NWD2: variants seen among roughly 807,000 people sequenced by gnomAD.
The protein encoded by NWD2 is NACHT and WD repeat domain containing 2.
Under a neutral mutation model 132.7 loss-of-function variants are expected in NWD2, and 37 were observed. The ratio of observed to expected loss-of-function variants is 0.28; its 90% CI spans 0.21 to 0.37. NWD2 has a LOEUF of 0.37. Ranked by LOEUF, NWD2 falls within the 10% of genes least tolerant of loss-of-function variation. NWD2 has a pLI of 1.00. For missense variants in NWD2, 1,592 were observed against 2,122.4 expected (o/e 0.75, Z 4.91); for synonymous variants, 705 against 803.0 (o/e 0.88, Z 2.06).
chr4:37,273,618 C>T (rs999461153), intron 1 of NWD2, among the ~76,000 whole-genome samples: 59 of 152,258 alleles, frequency 3.9e-4, no homozygotes, highest in African/African-American at 1.3e-3. Context: ...CCCAAATCAA[C>T]AGAATATACA....
intron 1 of NWD2, among the ~76,000 whole-genome samples, chr4:37,273,473 A>G (rs981471428): frequency 6.6e-6 from 1 of 152,046 alleles, no homozygotes; most frequent in African/African-American, 2.4e-5. Context: ...CTCCCACACA[A>G]TAATAATGGG....
In NWD2 at chr4:37,362,744, G is replaced by A. The variant is rs563456393; in HGVS notation, c.357+6262G>A. ...AAACCTAGGAAATATTCTGGACATC[G>A]GCCTTGGGAAATAATTTATTAGTAA... On this transcript the variant is annotated intron_variant, in intron 3 of 6. Transcript: ENST00000309447. Among the ~76,000 whole-genome samples the A allele has an allele frequency of 1.3e-4, 20 of 152,268 alleles. No homozygotes were observed. The South Asian group carries it at 3.3e-3, about 25-fold the overall frequency.
intron 1 of NWD2, among the ~76,000 whole-genome samples, chr4:37,303,861 A>T (rs1353065909): frequency 6.6e-6 from 1 of 152,194 alleles, no homozygotes; most frequent in South Asian, 2.1e-4. Context: ...TTTTCTATAT[A>T]TAAGACTATG....
At chr4:37,319,899 A>C (rs550659028) in intron 1 of NWD2, among the ~76,000 whole-genome samples, 56 of 152,278 alleles carry the variant, frequency 3.7e-4, no homozygotes, top group Non-Finnish European at 6.0e-4. Context: ...GTTTGAAGTC[A>C]GGTAATGTGA....
At chr4:37,346,963 G>C (rs1026187570) in intron 2 of NWD2, among the ~76,000 whole-genome samples, 4 of 152,178 alleles carry the variant, frequency 2.6e-5, no homozygotes, top group Admixed American at 2.0e-4. Flanking sequence ...TTTATAGCTA[G>C]AAATTTTCCT....
rs184711381 is a variant in NWD2 at position 37,350,151 on chromosome 4, A to G, written c.241-6215A>G. Among the ~76,000 whole-genome samples, 3 of 152,090 alleles carry G rather than the reference A, an allele frequency of 2.0e-5. No homozygotes were observed. In the East Asian group the frequency reaches 5.8e-4, roughly 29 times the overall value. ...TCCGGCTTTGTTCTTTTTACTTAGG[A>G]TTGTCTTTATATGGGCTCTTCTTTT... On this transcript the variant is annotated intron_variant, in intron 2 of 6. Transcript: ENST00000309447.
chr4:37,310,336 G>A (rs28420978), intron 1 of NWD2, among the ~76,000 whole-genome samples: 3,849 of 152,198 alleles, frequency 0.025, 171 homozygotes, highest in African/African-American at 0.089. Flanking sequence ...TTTTTAGTGT[G>A]ATGTTTGCAA....
rs1359507123 is a variant in NWD2 at position 37,444,565 on chromosome 4, C to T, written c.2577C>T (p.Ser859=). The change falls in exon 7 of 7, where the codon AGC becomes AGT. Residue 859 remains serine, a synonymous_variant. Transcript: ENST00000309447. The surrounding 1 kb of genome is among the most constrained non-coding windows in gnomAD (Gnocchi z 4.8). ...DLLYGIIMNF[S]WLYTMIKIGQ... ...TTTACGGCATCATCATGAACTTCAG[C>T]TGGCTTTATACCATGATCAAAATTG... The T allele has an allele frequency of 6.4e-7, 1 of 1,551,902 alleles. No homozygotes were observed. Among genetic ancestry groups the T allele is most frequent in the East Asian group, 2.4e-5 (1 of 40,918 alleles).
intron 1 of NWD2, among the ~76,000 whole-genome samples, chr4:37,258,983 C>T (rs943587270): frequency 2.6e-5 from 4 of 152,150 alleles, no homozygotes; most frequent in Admixed American, 2.0e-4. Context: ...CACAGGGAGT[C>T]CCCTCTTAAC....
chr4:37,350,534 G>A lies in NWD2; in HGVS notation c.241-5832G>A, dbSNP rs144552472. On this transcript the variant is annotated intron_variant, in intron 2 of 6. Coordinates refer to ENST00000309447, the MANE Select transcript of NWD2 (RefSeq NM_001144990.2). ...CTTGTGATTTTTGCACATTGATTTTGTATCCTGAGACTTTGCTGAAGTTGC... is the reference window on the plus strand; with the variant it reads ...CTTGTGATTTTTGCACATTGATTTTATATCCTGAGACTTTGCTGAAGTTGC... Among the ~76,000 whole-genome samples, 1,134 of 152,274 alleles carry A rather than the reference G, an allele frequency of 7.4e-3. 3 individuals are homozygous for A. Among genetic ancestry groups the A allele is most frequent in the Non-Finnish European group, 0.012 (801 of 68,016 alleles).
At chr4:37,248,203 A>C (rs78385057) in intron 1 of NWD2, among the ~76,000 whole-genome samples, 24,104 of 152,120 alleles carry the variant, frequency 0.16, 2,078 homozygotes, top group Admixed American at 0.23. Context: ...GCAAGACAAT[A>C]CAGATAGGGG....
In NWD2 at chr4:37,444,095, G is replaced by A. The variant is rs1328352317; in HGVS notation, c.2107G>A (p.Val703Ile). Residue 703 changes from valine to isoleucine, a missense_variant, in exon 7 of 7, where the codon GTA becomes ATA. This residue lies in a region of NWD2 where 1,071 missense variants were observed against 1,398.0 expected (regional missense o/e 0.77). Coordinates refer to ENST00000309447, the MANE Select transcript of NWD2 (RefSeq NM_001144990.2). The surrounding 1 kb of genome is among the most constrained non-coding windows in gnomAD (Gnocchi z 4.8). ...ENTRPSNPLR[V>I]PYLYIARLKE... ...CACCAGACCCAGCAATCCCCTGAGA[G>A]TACCTTACTTGTACATTGCAAGGCT... 1.9e-6 allele frequency: 3 copies of A among 1,551,712 alleles called. No homozygotes were observed. The highest frequency in any genetic ancestry group is 2.0e-5 in the Admixed American group (1 of 50,996).
chr4:37,327,748 C>T (rs184882157), intron 2 of NWD2, among the ~76,000 whole-genome samples: 246 of 152,202 alleles, frequency 1.6e-3, no homozygotes, highest in Middle Eastern at 6.8e-3. Flanking sequence ...TTATATCACT[C>T]CCTAAGGATA....
chr4:37,292,142 C>G (rs1296613173), intron 1 of NWD2, among the ~76,000 whole-genome samples: 3 of 152,120 alleles, frequency 2.0e-5, no homozygotes, highest in Non-Finnish European at 4.4e-5. Flanking sequence ...GAGGTGCATT[C>G]CCTTAGGCGA....
At chr4:37,440,773 CT>C (rs200395009) in intron 6 of NWD2, among the ~76,000 whole-genome samples, 1,628 of 152,222 alleles carry the variant, frequency 0.011, 17 homozygotes, top group Middle Eastern at 0.048. Flanking sequence ...AATGTGGTAT[CT>C]GCTGAGTTGG....
Position 37,308,867 on chromosome 4 carries a change from A to G in NWD2, c.152-17069A>G, listed in dbSNP as rs1718769643. On this transcript the variant is annotated intron_variant, in intron 1 of 6. Coordinates refer to ENST00000309447, the MANE Select transcript of NWD2 (RefSeq NM_001144990.2). ...AATGCAAGCACACTGTGGCTTCCCC[A>G]CTAGACAGGTAGTTTCACTGATGGT... 1.4e-5 allele frequency among the ~76,000 whole-genome samples: 2 copies of G among 145,696 alleles called. 1 individual carries two copies. Among genetic ancestry groups the G allele is most frequent in the South Asian group, 4.5e-4 (2 of 4,434 alleles).
chr4:37,261,986 A>G (rs1213531454), intron 1 of NWD2, among the ~76,000 whole-genome samples: 4 of 152,338 alleles, frequency 2.6e-5, no homozygotes, highest in African/African-American at 9.6e-5. Flanking sequence ...TGTTCAAGGA[A>G]GAGCAAGGTC....
rs1721114988 is a variant in NWD2, at chr4:37,409,585, G to A, written c.358-20987G>A. ...GAAGCAAGTTGGAAAACACTTTTCA[G>A]GATATTATCCAGGAGAACTTCCCCA... On this transcript the variant is annotated intron_variant, in intron 3 of 6. Transcript: ENST00000309447. Among the ~76,000 whole-genome samples the A allele has an allele frequency of 2.6e-5, 4 of 152,154 alleles. No homozygotes were observed. In the South Asian group the frequency reaches 8.3e-4, roughly 32 times the overall value.
chr4:37,307,316 T>C (rs1332800380), intron 1 of NWD2, among the ~76,000 whole-genome samples: 2 of 152,098 alleles, frequency 1.3e-5, no homozygotes, highest in Admixed American at 6.5e-5. Context: ...GTCGTGTAGG[T>C]CTAGTGGTAA....
Sources: allele counts gnomAD v4.1 joint callset (sites outside exome capture counted in the v4.1 genomes callset), GRCh38; gene constraint gnomAD v4.1.1; regional missense constraint gnomAD v4.1.1; non-coding constraint Gnocchi (gnomAD v3.1); transcripts MANE v1.5; gene names NCBI Gene and HGNC (gene_info 2026-07-23, HGNC 2026-07-21).